Variants in EHBP1 observed in about 807,000 individuals in gnomAD.
The protein encoded by EHBP1 is EH domain-binding protein 1.
In EHBP1, 55 loss-of-function variants were observed where a neutral mutation model predicts 144.0. That is an observed-to-expected ratio of 0.38 (90% confidence interval 0.31 to 0.48). EHBP1 has a LOEUF of 0.48. Ranked by LOEUF, EHBP1 falls within the 20% of genes least tolerant of loss-of-function variation. The pLI is 0.98. For synonymous variants in EHBP1, 469 were observed against 472.7 expected (o/e 0.99, Z 0.10); for missense variants, 1,200 against 1,364.2 (o/e 0.88, Z 1.90).
At chr2:62,770,502 A>G (rs922754575) in intron 4 of EHBP1, among the ~76,000 whole-genome samples, 1 of 152,210 alleles carries the variant, frequency 6.6e-6, no homozygotes, top group African/African-American at 2.4e-5. Flanking sequence ...TAAAAAGTCA[A>G]AAAATAACAT....
At chr2:62,717,162 A>G (rs1349425912) in intron 2 of EHBP1, among the ~76,000 whole-genome samples, 1 of 152,196 alleles carries the variant, frequency 6.6e-6, no homozygotes, top group African/African-American at 2.4e-5. Context: ...TTATTTTGTT[A>G]TCAAATCTTG....
chr2:63,038,931 T>G, intron 21 of EHBP1, 115 bp downstream of exon 21: 181 of 812,626 alleles, frequency 2.2e-4, no homozygotes, highest in Non-Finnish European at 3.0e-4. Context: ...CCTTCCGGAA[T>G]TGCAAATAAA....
chr2:62,955,181 A>G (rs2057620316), intron 13 of EHBP1, among the ~76,000 whole-genome samples: 1 of 152,280 alleles, frequency 6.6e-6, no homozygotes, highest in Admixed American at 6.5e-5. Context: ...AACTTTAAAA[A>G]ATGTCTTTGT....
chr2:62,852,232 C>A (rs1364427832), intron 7 of EHBP1, among the ~76,000 whole-genome samples: 2 of 152,010 alleles, frequency 1.3e-5, no homozygotes, highest in Non-Finnish European at 2.9e-5. Flanking sequence ...AGTGCAAATA[C>A]TTGAGCACTG....
At chr2:62,983,626 C>T (rs1289685754) in intron 15 of EHBP1, among the ~76,000 whole-genome samples, 3 of 152,138 alleles carry the variant, frequency 2.0e-5, no homozygotes, top group South Asian at 2.1e-4. Flanking sequence ...CTGCAACCTC[C>T]GTCTCCCGGG....
At position 62,773,884 on chromosome 2, in the gene EHBP1, A is replaced by AAAAG. The variant is rs1558647631; in HGVS notation, c.312+2493_312+2494insAAGA. 8.7e-4 allele frequency among the ~76,000 whole-genome samples: 113 copies of AAAAG among 130,628 alleles called. 1 individual carries two copies. Among genetic ancestry groups the AAAAG allele is most frequent in the African/African-American group, 2.8e-3 (92 of 32,890 alleles). The allele number at this position is 130,628 out of a possible 152,430, so 85.7% of individuals were successfully genotyped here. A position where few individuals can be genotyped will look rare whatever the true frequency, so the allele number is the denominator to read the frequency against. ...AAAAAAAAAAAAAAAAAAAAAAAAA[A>AAAAG]AGAGAGAGAGAAGAATAACGTGAGT... On this transcript the variant is annotated intron_variant, in intron 5 of 22. Coordinates refer to ENST00000431489, the MANE Select transcript of EHBP1 (RefSeq NM_001142616.3).
chr2:62,823,262 G>C (rs556186440), intron 5 of EHBP1, among the ~76,000 whole-genome samples: 1 of 152,046 alleles, frequency 6.6e-6, no homozygotes, highest in African/African-American at 2.4e-5. Flanking sequence ...ATGCACATAC[G>C]AACTGATGTT....
chr2:62,966,673 C>A (rs991408232), intron 14 of EHBP1, among the ~76,000 whole-genome samples: 2 of 152,020 alleles, frequency 1.3e-5, no homozygotes, highest in African/African-American at 4.8e-5. Context: ...ATAAAATATT[C>A]TTTTATAAGA....
At chr2:62,679,016 A>G (rs567285631) in intron 1 of EHBP1, among the ~76,000 whole-genome samples, 6 of 152,344 alleles carry the variant, frequency 3.9e-5, no homozygotes, top group South Asian at 2.1e-4. Flanking sequence ...CCTGAGTCTT[A>G]GAGAGGCCAA....
intron 15 of EHBP1, among the ~76,000 whole-genome samples, chr2:62,988,649 G>A (rs1409600691): frequency 1.3e-5 from 2 of 152,118 alleles, no homozygotes; most frequent in African/African-American, 2.4e-5. Flanking sequence ...ATTTGCTGGT[G>A]GTTTTTAATA....
rs2049934110 is a variant in EHBP1, at chr2:62,865,067, A to G, written c.998+96A>G. ...TACCTTTAGATGGGTACAAATCATT[A>G]ATGTACACTTTATAAGTCAGTATCT... is the stretch of plus-strand genomic sequence containing the variant. On this transcript the variant is annotated intron_variant, in intron 9 of 22. Coordinates refer to ENST00000431489, the MANE Select transcript of EHBP1 (RefSeq NM_001142616.3). 6.0e-6 allele frequency: 8 copies of G among 1,342,298 alleles called. No individual in the cohort carries two copies. In the Admixed American group the frequency reaches 1.2e-4, roughly 21 times the overall value. The allele number at this position is 1,342,298 out of a possible 1,614,324, so 83.1% of individuals were successfully genotyped here.
chr2:62,820,737 A>ATAT (rs1236966050), intron 5 of EHBP1, among the ~76,000 whole-genome samples: 10 of 54,640 alleles, frequency 1.8e-4, no homozygotes, highest in African/African-American at 4.5e-4. Context: ...GTGTGTGTAT[A>ATAT]ATATATATAT....
At chr2:62,990,663 A>G in intron 15 of EHBP1, 53 bp from the exon 16 acceptor site, 3 of 1,581,284 alleles carry the variant, frequency 1.9e-6, no homozygotes, top group South Asian at 1.1e-5. Flanking sequence ...TTGACAGCCT[A>G]CATATCTAAA....
intron 14 of EHBP1, among the ~76,000 whole-genome samples, chr2:62,973,249 T>C (rs561781782): frequency 4.6e-5 from 7 of 152,362 alleles, no homozygotes; most frequent in South Asian, 2.1e-4. Context: ...CATTTTAGTT[T>C]GAATCACCAA....
At position 62,850,634 on chromosome 2, in the gene EHBP1, A is replaced by G. The variant is rs1314838448; in HGVS notation, c.635-8535A>G. Among the ~76,000 whole-genome samples the G allele has an allele frequency of 2.0e-5, 3 of 152,080 alleles. No individual in the cohort carries two copies. The East Asian group carries it at 5.8e-4, about 29-fold the overall frequency. On this transcript the variant is annotated intron_variant, in intron 7 of 22. Coordinates refer to ENST00000431489, the MANE Select transcript of EHBP1 (RefSeq NM_001142616.3). ...ATATAACATTATTAGCATTTTCCAA[A>G]CGTTTTCAATTTTCTGTGAAACAAG...
At chr2:62,820,303 G>C (rs1165997524) in intron 5 of EHBP1, among the ~76,000 whole-genome samples, 1 of 148,744 alleles carries the variant, frequency 6.7e-6, no homozygotes, top group Non-Finnish European at 1.5e-5. Flanking sequence ...TTATATAAAA[G>C]TAAAAAGACT....
intron 19 of EHBP1, among the ~76,000 whole-genome samples, chr2:63,003,796 T>G (rs1056990487): frequency 6.6e-6 from 1 of 152,082 alleles, no homozygotes; most frequent in African/African-American, 2.4e-5. Context: ...AAACTTGTTA[T>G]GCCTTCACCA....
intron 14 of EHBP1, among the ~76,000 whole-genome samples, chr2:62,971,137 TGAAA>T (rs2058477800): frequency 6.6e-6 from 1 of 152,214 alleles, no homozygotes; most frequent in African/African-American, 2.4e-5. Flanking sequence ...AGACATGCTG[TGAAA>T]GGGCTAAATA....
intron 5 of EHBP1, among the ~76,000 whole-genome samples, chr2:62,825,241 T>C (rs1241450396): frequency 6.6e-6 from 1 of 152,098 alleles, no homozygotes; most frequent in Non-Finnish European, 1.5e-5. Context: ...TTACACGATG[T>C]CTTGTACAAA....
Sources: gnomAD v4.1 joint callset for allele counts (sites outside exome capture counted in the v4.1 genomes callset) on GRCh38, gnomAD v4.1.1 for gene constraint, MANE v1.5 for transcripts, NCBI Gene and HGNC (gene_info 2026-07-23, HGNC 2026-07-21) for gene names.